Variants in DEPTOR observed in about 807,000 individuals in gnomAD.
DEPTOR encodes the protein DEP domain containing MTOR interacting protein.
In DEPTOR, 41 loss-of-function variants were observed where a neutral mutation model predicts 41.6. The ratio of observed to expected loss-of-function variants is 0.98; its 90% CI spans 0.77 to 1.28. The LOEUF is 1.28. Among genes scored for constraint, DEPTOR ranks in the 50% most tolerant of loss-of-function variants. The pLI is 0.00. For synonymous variants in DEPTOR, 195 were observed against 192.3 expected (o/e 1.01, Z -0.12); for missense variants, 514 against 527.9 (o/e 0.97, Z 0.26).
At chr8:120,023,365 C>T (rs1812752324) in intron 8 of DEPTOR, among the ~76,000 whole-genome samples, 1 of 152,244 alleles carries the variant, frequency 6.6e-6, no homozygotes, top group South Asian at 2.1e-4. Context: ...CTCAGCCTCC[C>T]AAGTAGCTGG....
chr8:120,037,355 A>G (rs1188032829), intron 8 of DEPTOR, among the ~76,000 whole-genome samples: 1 of 152,226 alleles, frequency 6.6e-6, no homozygotes, highest in Non-Finnish European at 1.5e-5. Flanking sequence ...TGGGAGTTAA[A>G]GCAATTTTTT....
intron 8 of DEPTOR, among the ~76,000 whole-genome samples, chr8:120,024,749 C>A (rs1009866676): frequency 1.3e-5 from 2 of 152,088 alleles, no homozygotes; most frequent in African/African-American, 4.8e-5. Context: ...CCTGCTGAAC[C>A]TTTGATTTCA....
rs763062510 is a variant in DEPTOR, at chr8:119,965,295, C to T, written c.489C>T (p.Arg163=). 1.2e-6 allele frequency: 2 copies of T among 1,614,128 alleles called. No individual in the cohort carries two copies. The highest frequency in any genetic ancestry group is 1.7e-6 in the Non-Finnish European group (2 of 1,180,036). ...PREEEGVKYE[R]TFMASEFLDW... is the part of the protein sequence containing the mutation. ...AGGAGGAAGGGGTCAAGTATGAGCG[C>T]ACCTTCATGGCATCTGAATTCCTGG... The change falls in exon 4 of 9, where the codon CGC becomes CGT. Residue 163 remains arginine, a synonymous_variant. Transcript: ENST00000286234.
intron 1 of DEPTOR, among the ~76,000 whole-genome samples, chr8:119,901,961 T>A (rs1368206976): frequency 1.3e-5 from 2 of 152,188 alleles, no homozygotes; most frequent in Non-Finnish European, 2.9e-5. Flanking sequence ...TTTCTTGATT[T>A]TATTTTTGTG....
In DEPTOR at chr8:119,920,079, A is replaced by T. The variant is rs546029804; in HGVS notation, c.123-8321A>T. Among the ~76,000 whole-genome samples, 4 of 148,786 alleles carry T rather than the reference A, an allele frequency of 2.7e-5. No individual in the cohort carries two copies. The East Asian group carries it at 7.8e-4, about 29-fold the overall frequency. On this transcript the variant is annotated intron_variant, in intron 1 of 8. Coordinates refer to ENST00000286234, the MANE Select transcript of DEPTOR (RefSeq NM_022783.4). The stretch of plus-strand genomic sequence containing the variant: ...AAAGCCTGTGAACCAGCTGTCTGAG[A>T]TGAATAATAGGAAGGTTTTTTTTTT...
intron 3 of DEPTOR, among the ~76,000 whole-genome samples, chr8:119,954,845 G>GGTGT (rs10649943): frequency 0.018 from 2,663 of 147,986 alleles, 31 homozygotes; most frequent in Middle Eastern, 0.029. Context: ...GGCAAATATT[G>GGTGT]GTGTGTGTGT....
intron 4 of DEPTOR, among the ~76,000 whole-genome samples, chr8:119,993,819 T>A (rs1005865063): frequency 6.6e-6 from 1 of 152,078 alleles, no homozygotes; most frequent in African/African-American, 2.4e-5. Context: ...GTAGCAAGGA[T>A]TTTTATATTC....
intron 1 of DEPTOR, among the ~76,000 whole-genome samples, chr8:119,919,473 ATTAT>A (rs1242463014): frequency 2.0e-5 from 3 of 152,184 alleles, no homozygotes; most frequent in African/African-American, 7.2e-5. Context: ...GTGAGGATAT[ATTAT>A]TTTGATAATT....
intron 5 of DEPTOR, among the ~76,000 whole-genome samples, 165 bp from the exon 6 acceptor site, chr8:120,002,812 A>AT (rs71306853): frequency 3.8e-5 from 5 of 130,094 alleles, no homozygotes; most frequent in East Asian, 5.1e-4. Flanking sequence ...ATATATATAT[A>AT]ATATAAAGTA....
intron 8 of DEPTOR, among the ~76,000 whole-genome samples, chr8:120,026,268 T>C (rs1183813223): frequency 6.6e-6 from 1 of 152,150 alleles, no homozygotes; most frequent in Non-Finnish European, 1.5e-5. Flanking sequence ...AAAACTTTCA[T>C]GGCATTTCTG....
At chr8:120,014,153 A>G (rs1812574369) in intron 8 of DEPTOR, among the ~76,000 whole-genome samples, 1 of 152,190 alleles carries the variant, frequency 6.6e-6, no homozygotes, top group African/African-American at 2.4e-5. Flanking sequence ...TTTGTTTGGC[A>G]CTACAATTCT....
At chr8:120,029,577 G>A (rs1016869330) in intron 8 of DEPTOR, among the ~76,000 whole-genome samples, 7 of 152,038 alleles carry the variant, frequency 4.6e-5, no homozygotes, top group African/African-American at 1.2e-4. Context: ...TGTGTTTTTA[G>A]TAGAGACAGG....
At chr8:120,021,266 T>C (rs956711400) in intron 8 of DEPTOR, among the ~76,000 whole-genome samples, 1 of 151,700 alleles carries the variant, frequency 6.6e-6, no homozygotes, top group African/African-American at 2.4e-5. Flanking sequence ...TAGCCGGGCA[T>C]GGTGGCAGGC....
intron 8 of DEPTOR, among the ~76,000 whole-genome samples, chr8:120,020,164 T>C (rs1812677572): frequency 2.0e-5 from 3 of 152,196 alleles, no homozygotes; most frequent in African/African-American, 4.8e-5. Flanking sequence ...CTTGGCTCAC[T>C]GCAACCTCTG....
At chr8:120,026,577 C>T (rs7464941) in intron 8 of DEPTOR, among the ~76,000 whole-genome samples, 2 of 151,844 alleles carry the variant, frequency 1.3e-5, no homozygotes, top group Admixed American at 6.6e-5. Context: ...TCCTGACCTC[C>T]GGTGATCCAC....
At chr8:119,966,928 A>C (rs545854875) in intron 4 of DEPTOR, among the ~76,000 whole-genome samples, 10 of 152,358 alleles carry the variant, frequency 6.6e-5, no homozygotes, top group African/African-American at 2.4e-4. Context: ...ATGATTGGAC[A>C]AAAAGGGTAT....
intron 1 of DEPTOR, among the ~76,000 whole-genome samples, chr8:119,891,574 C>T (rs562910078): frequency 6.6e-6 from 1 of 152,032 alleles, no homozygotes; most frequent in Non-Finnish European, 1.5e-5. Context: ...ACCGTGAGGA[C>T]GGCCTGTTCA....
At chr8:120,039,560 T>TAGC in intron 8 of DEPTOR, among the ~76,000 whole-genome samples, 2 of 151,840 alleles carry the variant, frequency 1.3e-5, no homozygotes, top group South Asian at 4.1e-4. Flanking sequence ...ATCAAAATAA[T>TAGC]TTTTCTTTCA....
chr8:119,941,234 A>G (rs149814261), intron 3 of DEPTOR, among the ~76,000 whole-genome samples: 2,309 of 152,020 alleles, frequency 0.015, 61 homozygotes, highest in African/African-American at 0.053. Context: ...TTAGCCAGGC[A>G]TGGTGGCATA....
Sources: gnomAD v4.1 joint callset for allele counts (sites outside exome capture counted in the v4.1 genomes callset) on GRCh38, gnomAD v4.1.1 for gene constraint, MANE v1.5 for transcripts, NCBI Gene and HGNC (gene_info 2026-07-23, HGNC 2026-07-21) for gene names.